STAG1: variants seen among roughly 807,000 people sequenced by gnomAD.
STAG1 encodes STAG1 cohesin complex component, also known as cohesin subunit SA-1.
In STAG1, 26 loss-of-function variants were observed where a neutral mutation model predicts 170.9. That is an observed-to-expected ratio of 0.15 (90% CI 0.11 to 0.21). The LOEUF (loss-of-function observed/expected upper bound fraction) is 0.21. Ranked by LOEUF, STAG1 falls within the 10% of genes least tolerant of loss-of-function variation. The pLI is 1.00. For missense variants in STAG1, 964 were observed against 1,509.5 expected (o/e 0.64, Z 5.99); for synonymous variants, 514 against 497.7 (o/e 1.03, Z -0.44).
intron 32 of STAG1, among the ~76,000 whole-genome samples, chr3:136,339,919 A>G (rs1935894801): frequency 6.6e-6 from 1 of 152,204 alleles, no homozygotes; most frequent in South Asian, 2.1e-4. Context: ...GTCAGGCTCA[A>G]ATTTAAAGCA....
chr3:136,492,363 G>T (rs2090139910), intron 9 of STAG1, among the ~76,000 whole-genome samples: 1 of 152,162 alleles, frequency 6.6e-6, no homozygotes, highest in South Asian at 2.1e-4. Context: ...TTTCTACAAG[G>T]ATAATAGGTT....
intron 7 of STAG1, among the ~76,000 whole-genome samples, chr3:136,506,735 A>G (rs1326496065): frequency 6.6e-6 from 1 of 152,102 alleles, no homozygotes; most frequent in Non-Finnish European, 1.5e-5. Flanking sequence ...AGATAAATGG[A>G]AAGGGCAAAG....
intron 6 of STAG1, among the ~76,000 whole-genome samples, chr3:136,541,562 A>T (rs1376443504): frequency 6.6e-6 from 1 of 151,432 alleles, no homozygotes; most frequent in Non-Finnish European, 1.5e-5. Context: ...ACACACACAC[A>T]CACACACACA....
intron 3 of STAG1, among the ~76,000 whole-genome samples, chr3:136,621,457 C>T (rs1414175491): frequency 3.9e-5 from 6 of 152,162 alleles, no homozygotes; most frequent in Non-Finnish European, 7.3e-5. Flanking sequence ...AGAAAAATCA[C>T]ATGGTAGTAA....
At chr3:136,707,726 C>T (rs763918012) in intron 1 of STAG1, among the ~76,000 whole-genome samples, 9 of 152,140 alleles carry the variant, frequency 5.9e-5, no homozygotes, top group Non-Finnish European at 1.0e-4. Context: ...AGGGATGTCG[C>T]GGCTTTACAA....
chr3:136,527,991 C>G lies in STAG1; in HGVS notation c.472-6574G>C, dbSNP rs115264798. Among the ~76,000 whole-genome samples, 927 of 152,218 alleles carry G rather than the reference C, an allele frequency of 6.1e-3. 14 individuals are homozygous for G. The highest frequency in any genetic ancestry group is 0.02 in the African/African-American group (829 of 41,540). On this transcript the variant is annotated intron_variant, in intron 6 of 33. Coordinates refer to ENST00000383202, the MANE Select transcript of STAG1 (RefSeq NM_005862.3). Reference sequence around the variant, plus strand: ...CCGGCCGTATGATGTGTCAGTCTGCCCCTATTTGGGGATGCCTCCCAGTTA... The same window carrying G: ...CCGGCCGTATGATGTGTCAGTCTGCGCCTATTTGGGGATGCCTCCCAGTTA...
chr3:136,519,442 AC>A (rs1934553628), intron 7 of STAG1, among the ~76,000 whole-genome samples: 1 of 152,012 alleles, frequency 6.6e-6, no homozygotes, highest in South Asian at 2.1e-4. Flanking sequence ...GCCTTGGGAA[AC>A]CCAGATAATA....
At chr3:136,700,581 G>A (rs1047022049) in intron 1 of STAG1, among the ~76,000 whole-genome samples, 7 of 151,528 alleles carry the variant, frequency 4.6e-5, no homozygotes, top group South Asian at 2.1e-4. Context: ...TACCACGCCC[G>A]GCCAATTTTT....
chr3:136,469,101 A>C lies in STAG1; in HGVS notation c.1205+3312T>G, dbSNP rs544138264. Among the ~76,000 whole-genome samples, 5 of 151,934 alleles carry C rather than the reference A, an allele frequency of 3.3e-5. No homozygotes were observed. In the South Asian group the frequency reaches 1.0e-3, roughly 32 times the overall value. The stretch of plus-strand genomic sequence containing the variant: ...CAAGACAGGGATGCCCTCTCTCACC[A>C]CTCCTATTCAACATAGTGTTGGAAG... On this transcript the variant is annotated intron_variant, in intron 12 of 33. Coordinates refer to ENST00000383202, the MANE Select transcript of STAG1 (RefSeq NM_005862.3).
chr3:136,527,248 G>A (rs1393352782), intron 6 of STAG1, among the ~76,000 whole-genome samples: 2 of 152,082 alleles, frequency 1.3e-5, no homozygotes, highest in African/African-American at 4.8e-5. Context: ...TGTAGATTTG[G>A]TCTTTCACCA....
At chr3:136,665,205 T>G (rs1306259910) in intron 1 of STAG1, among the ~76,000 whole-genome samples, 1 of 152,224 alleles carries the variant, frequency 6.6e-6, no homozygotes, top group Non-Finnish European at 1.5e-5. Context: ...GATTAAGGAC[T>G]TCTGAGCTGA....
Position 136,421,180 on chromosome 3 carries a change from CAT to C in STAG1, c.2038-19_2038-18del. 6.4e-7 allele frequency: 1 copy of C among 1,566,658 alleles called. No individual in the cohort carries two copies. The highest frequency in any genetic ancestry group is 1.1e-5 in the South Asian group (1 of 87,688). On this transcript the variant is annotated intron_variant, in intron 19 of 33. Transcript: ENST00000383202. ...TTCTTCTCCCTATAAAAAAAGGAAA[CAT>C]CACATCATTACAACTTTACTCACCT...
At chr3:136,428,997 G>A (rs571747780) in intron 16 of STAG1, among the ~76,000 whole-genome samples, 27 of 151,724 alleles carry the variant, frequency 1.8e-4, no homozygotes, top group African/African-American at 5.8e-4. Flanking sequence ...CTAGCTAGGC[G>A]TGGTGGCACA....
chr3:136,595,988 A>G (rs1246445613), intron 4 of STAG1, among the ~76,000 whole-genome samples: 1 of 152,182 alleles, frequency 6.6e-6, no homozygotes, highest in Non-Finnish European at 1.5e-5. Flanking sequence ...AACAGATTTT[A>G]TCTTTGCATT....
At chr3:136,375,999 A>C (rs1937582177) in intron 23 of STAG1, among the ~76,000 whole-genome samples, 1 of 139,176 alleles carries the variant, frequency 7.2e-6, no homozygotes, top group African/African-American at 2.8e-5. Flanking sequence ...TAAATAAATA[A>C]ATAAATAAAT....
intron 1 of STAG1, among the ~76,000 whole-genome samples, chr3:136,741,363 A>C (rs529794118): frequency 3.9e-5 from 6 of 152,392 alleles, no homozygotes; most frequent in Admixed American, 2.0e-4. Flanking sequence ...TTAACTTGTC[A>C]GCCTATAAAT....
At chr3:136,578,117 T>C (rs1266222943) in intron 4 of STAG1, among the ~76,000 whole-genome samples, 3 of 152,222 alleles carry the variant, frequency 2.0e-5, no homozygotes, top group African/African-American at 7.2e-5. Flanking sequence ...ACTATATCTA[T>C]GTGCTTTTAA....
intron 6 of STAG1, among the ~76,000 whole-genome samples, chr3:136,525,646 C>T (rs867897734): frequency 1.3e-4 from 20 of 152,172 alleles, no homozygotes; most frequent in African/African-American, 3.4e-4. Context: ...AGCTTTTGAA[C>T]GTGTTTGCTC....
chr3:136,565,608 A>G (rs1233039515), intron 5 of STAG1, among the ~76,000 whole-genome samples: 1 of 152,222 alleles, frequency 6.6e-6, no homozygotes, highest in Non-Finnish European at 1.5e-5. Flanking sequence ...CCACTGTGGA[A>G]AACAGTTTGG....
Sources: allele counts gnomAD v4.1 joint callset (sites outside exome capture counted in the v4.1 genomes callset), GRCh38; gene constraint gnomAD v4.1.1; transcripts MANE v1.5; gene names NCBI Gene and HGNC (gene_info 2026-07-23, HGNC 2026-07-21).